BMPR1A: variants seen among roughly 807,000 people sequenced by gnomAD.
BMPR1A encodes the protein bone morphogenetic protein receptor type-1A.
A neutral mutation model predicts 66.0 loss-of-function variants in BMPR1A; 7 were observed. The ratio of observed to expected loss-of-function variants is 0.11; its 90% confidence interval spans 0.06 to 0.20. The LOEUF (loss-of-function observed/expected upper bound fraction) is 0.20. Ranked by LOEUF, BMPR1A falls within the 10% of genes least tolerant of loss-of-function variation. BMPR1A has a pLI of 1.00. For synonymous variants in BMPR1A, 200 were observed against 229.7 expected (o/e 0.87, Z 1.17); for missense variants, 408 against 669.1 (o/e 0.61, Z 4.31).
At position 86,923,940 on chromosome 10, in the gene BMPR1A, A is replaced by T; in HGVS notation, c.*221A>T. The T allele has an allele frequency of 1.7e-6, 1 of 586,118 alleles. No homozygotes were observed. Among genetic ancestry groups the T allele is most frequent in the South Asian group, 2.0e-5 (1 of 48,826 alleles). The allele number at this position is 586,118 out of a possible 1,614,324, so 36.3% of individuals were successfully genotyped here. On this transcript the variant is annotated 3_prime_UTR_variant, in exon 13 of 13. Coordinates refer to ENST00000372037, the MANE Select transcript of BMPR1A (RefSeq NM_004329.3). The stretch of plus-strand genomic sequence containing the variant: ...TTTATATATGGACAGCTTTATTTTA[A>T]ATGTGGTTTTTGATGCCTTTTTTTA...
intron 3 of BMPR1A, 110 bp from the exon 4 acceptor site, chr10:86,889,952 C>A: frequency 1.7e-6 from 2 of 1,160,610 alleles, no homozygotes; most frequent in Admixed American, 1.9e-5. Flanking sequence ...AACATGCTAG[C>A]TACAATTATT....
intron 2 of BMPR1A, chr10:86,843,511 G>A (rs1008902262): frequency 1.3e-5 from 2 of 152,166 alleles, no homozygotes; most frequent in East Asian, 1.9e-4. Flanking sequence ...AGTTAGCAAG[G>A]TATGTATATA....
intron 1 of BMPR1A, among the ~76,000 whole-genome samples, chr10:86,831,377 A>G (rs1247357311): frequency 6.6e-6 from 1 of 152,140 alleles, no homozygotes; most frequent in African/African-American, 2.4e-5. Context: ...TTAAATGACT[A>G]TGTAGTGTTT....
At chr10:86,807,911 C>T (rs4934266) in intron 1 of BMPR1A, among the ~76,000 whole-genome samples, 47,307 of 152,006 alleles carry the variant, frequency 0.31, 8,438 homozygotes, top group East Asian at 0.69. Context: ...GGATTACAGG[C>T]GCACACCTCC....
chr10:86,826,870 A>G (rs1010071018), intron 1 of BMPR1A, among the ~76,000 whole-genome samples: 1 of 152,154 alleles, frequency 6.6e-6, no homozygotes, highest in African/African-American at 2.4e-5. Flanking sequence ...TGTACATTAC[A>G]TAAAGTAATA....
chr10:86,807,128 A>G (rs948299468), intron 1 of BMPR1A, among the ~76,000 whole-genome samples: 19 of 152,118 alleles, frequency 1.2e-4, no homozygotes, highest in Admixed American at 1.2e-3. Flanking sequence ...TCTCATTGAT[A>G]CTGGGGTGTC....
intron 5 of BMPR1A, among the ~76,000 whole-genome samples, chr10:86,892,844 C>T (rs1843172116): frequency 7.6e-6 from 1 of 130,934 alleles, no homozygotes. Context: ...GCCTGGGCCA[C>T]AGAGCAAGAC....
At chr10:86,889,936 TA>T in intron 3 of BMPR1A, 125 bp from the exon 4 acceptor site, 1 of 1,028,180 alleles carries the variant, frequency 9.7e-7, no homozygotes, top group Non-Finnish European at 1.4e-6. Flanking sequence ...TTTATATTTC[TA>T]AAGAAACATG....
rs1030457361 is a variant in BMPR1A at position 86,841,835 on chromosome 10, C to T, written c.-153+2856C>T. ...AAGGTTAAGTTGATCACCAGTGACC[C>T]GTGGTTTAATTAGTTGTGCCTACAG... On this transcript the variant is annotated intron_variant, in intron 2 of 12. Transcript: ENST00000372037. 5.3e-5 allele frequency among the ~76,000 whole-genome samples: 8 copies of T among 152,182 alleles called. No individual in the cohort carries two copies. In the East Asian group the frequency reaches 9.7e-4, roughly 18 times the overall value.
intron 2 of BMPR1A, among the ~76,000 whole-genome samples, chr10:86,862,991 T>TC (rs35958923): frequency 0.056 from 8,364 of 149,524 alleles, 625 homozygotes; most frequent in African/African-American, 0.17. Flanking sequence ...TTTTTTTTTT[T>TC]CCCCCTCTGA....
intron 10 of BMPR1A, among the ~76,000 whole-genome samples, chr10:86,920,518 A>G (rs898778078): frequency 1.3e-5 from 2 of 152,234 alleles, no homozygotes; most frequent in African/African-American, 4.8e-5. Flanking sequence ...AGTCTTTAAA[A>G]CAACTGTAAG....
At chr10:86,916,984 C>T in intron 8 of BMPR1A, 150 bp from the exon 9 acceptor site, 1 of 820,506 alleles carries the variant, frequency 1.2e-6, no homozygotes. Context: ...CAGAGCGAGA[C>T]TCCATCTCAA....
At chr10:86,885,412 A>G (rs1036400321) in intron 3 of BMPR1A, among the ~76,000 whole-genome samples, 3 of 152,216 alleles carry the variant, frequency 2.0e-5, no homozygotes, top group African/African-American at 7.2e-5. Context: ...CACAAAACCA[A>G]TACCTGTTTT....
chr10:86,811,398 T>G (rs1470851308), intron 1 of BMPR1A, among the ~76,000 whole-genome samples: 2 of 152,190 alleles, frequency 1.3e-5, no homozygotes, highest in Non-Finnish European at 2.9e-5. Flanking sequence ...CCTTTGTTGC[T>G]TGTATTTTTG....
In BMPR1A at chr10:86,779,015, C is replaced by T. The variant is rs549792898; in HGVS notation, c.-268+22096C>T. Among the ~76,000 whole-genome samples the T allele has an allele frequency of 2.6e-4, 39 of 151,264 alleles. 1 individual carries two copies. In the South Asian group the frequency reaches 8.0e-3, roughly 31 times the overall value. Reference sequence around the variant, plus strand: ...ACTCCTGACTTCAAGTGATCCATTCCTCTCAGCCTGCCAAAGGGCTGGGAT... The same window carrying T: ...ACTCCTGACTTCAAGTGATCCATTCTTCTCAGCCTGCCAAAGGGCTGGGAT... On this transcript the variant is annotated intron_variant, in intron 1 of 12. Transcript: ENST00000372037.
rs188868145 is a variant in BMPR1A at position 86,927,969 on chromosome 10, A to G, written c.*4250A>G. 16 of 179,430 alleles carry G rather than the reference A, an allele frequency of 8.9e-5. No homozygotes were observed. Among genetic ancestry groups the G allele is most frequent in the Non-Finnish European group, 1.8e-4 (15 of 83,694 alleles). The allele number at this position is 179,430 out of a possible 1,614,324, so 11.1% of individuals were successfully genotyped here. A position where few individuals can be genotyped will look rare whatever the true frequency, so the allele number is the denominator to read the frequency against. ...GAAGTAAATAACCTTATTTTAGTATACTTTAGTGATGTGTTTTGTGATGCT... is the reference window on the plus strand; with the variant it reads ...GAAGTAAATAACCTTATTTTAGTATGCTTTAGTGATGTGTTTTGTGATGCT... On this transcript the variant is annotated 3_prime_UTR_variant, in exon 13 of 13. Transcript: ENST00000372037.
chr10:86,765,510 A>G (rs1841148753), intron 1 of BMPR1A, among the ~76,000 whole-genome samples: 1 of 145,698 alleles, frequency 6.9e-6, no homozygotes, highest in African/African-American at 2.5e-5. Context: ...AAAAAAGAAT[A>G]TTCCTCTCTC....
At chr10:86,829,921 A>C (rs1842244806) in intron 1 of BMPR1A, among the ~76,000 whole-genome samples, 1 of 151,630 alleles carries the variant, frequency 6.6e-6, no homozygotes, top group Non-Finnish European at 1.5e-5. Context: ...AGGTGCTGTT[A>C]AAGAAAAAAA....
intron 7 of BMPR1A, among the ~76,000 whole-genome samples, chr10:86,900,404 GA>G (rs2133459745): frequency 6.6e-6 from 1 of 150,952 alleles, no homozygotes; most frequent in East Asian, 1.9e-4. Flanking sequence ...TCTGTCCCAA[GA>G]AACCCACTGT....
Sources: allele counts gnomAD v4.1 joint callset (sites outside exome capture counted in the v4.1 genomes callset), GRCh38; gene constraint gnomAD v4.1.1; transcripts MANE v1.5; gene names NCBI Gene and HGNC (gene_info 2026-07-23, HGNC 2026-07-21).